The following SKP1 variants were observed in gnomAD, a reference collection of about 807,000 sequenced individuals.
The protein encoded by SKP1 is S-phase kinase-associated protein 1.
In SKP1, 1 loss-of-function variant was observed where a neutral mutation model predicts 21.5. The observed-to-expected ratio is 0.05, with a 90% CI of 0.02 to 0.22. The LOEUF is 0.22. Ranked by LOEUF, SKP1 falls within the 10% of genes least tolerant of loss-of-function variation. The pLI is 1.00. For synonymous variants in SKP1, 59 were observed against 59.3 expected (o/e 0.99, Z 0.03); for missense variants, 70 against 192.0 (o/e 0.36, Z 3.76).
chr5:134,157,838 A>G, intron 5 of SKP1, 70 bp from the exon 6 acceptor site: 1 of 1,612,090 alleles, frequency 6.2e-7, no homozygotes, highest in East Asian at 2.2e-5. Flanking sequence ...AATACTACCT[A>G]CTGATTCATC....
At chr5:134,159,289 T>C (rs918377445) in intron 4 of SKP1, among the ~76,000 whole-genome samples, 1 of 152,208 alleles carries the variant, frequency 6.6e-6, no homozygotes, top group African/African-American at 2.4e-5. Context: ...AGTTTAAAAG[T>C]AGTTGCAGAT....
chr5:134,176,521 G>C (rs374727873), intron 1 of SKP1: 1 of 152,318 alleles, frequency 6.6e-6, no homozygotes, highest in African/African-American at 2.4e-5. Context: ...GACCAAGAGA[G>C]GCCCCCGGCC....
At chr5:134,163,368 G>T (rs866766045) in intron 3 of SKP1, among the ~76,000 whole-genome samples, 2 of 151,790 alleles carry the variant, frequency 1.3e-5, no homozygotes, top group Admixed American at 6.6e-5. Flanking sequence ...ATTACTTTGT[G>T]GGGGGAGCAG....
intron 1 of SKP1, chr5:134,175,278 T>C (rs1761517813): frequency 6.6e-6 from 1 of 152,194 alleles, no homozygotes; most frequent in African/African-American, 2.4e-5. Flanking sequence ...CACTGAAATA[T>C]CCTACTCTCA....
At chr5:134,173,017 A>C (rs1402799200) in intron 2 of SKP1, among the ~76,000 whole-genome samples, 11 of 150,370 alleles carry the variant, frequency 7.3e-5, no homozygotes, top group African/African-American at 2.7e-4. Context: ...CGTCTCAAAA[A>C]AAAAAAAAAA....
At chr5:134,160,886 G>C in intron 4 of SKP1, 101 bp downstream of exon 4, 1 of 732,350 alleles carries the variant, frequency 1.4e-6, no homozygotes, top group Non-Finnish European at 2.2e-6. Flanking sequence ...TTTGAATTTA[G>C]AGAGTATTAA....
In SKP1 at chr5:134,156,475, G is replaced by C. The variant is rs1354712899; in HGVS notation, c.*1258C>G. On this transcript the variant is annotated 3_prime_UTR_variant, in exon 6 of 6. Coordinates refer to ENST00000353411, the MANE Select transcript of SKP1 (RefSeq NM_170679.3). ...TGAGATGAAGGCAAACTACTGTCAA[G>C]GGATGATCTGAGCCTGAACAACTCA... 3 of 152,098 alleles carry C rather than the reference G, an allele frequency of 2.0e-5. No homozygotes were observed. The highest frequency in any genetic ancestry group is 7.2e-5 in the African/African-American group (3 of 41,408). 9.4% of individuals were successfully genotyped at this position (152,098 alleles called of 1,614,324 possible).
intron 5 of SKP1, chr5:134,158,063 A>C: frequency 6.9e-7 from 1 of 1,451,722 alleles, no homozygotes; most frequent in South Asian, 1.2e-5. Context: ...TCATGTCAAC[A>C]AAATCATTCT....
rs1162950271 is a variant in SKP1, at chr5:134,156,412, A to T, written c.*1321T>A. ...GGAATTAAGTGAGACAACATATGGG[A>T]CTTTATTAAATAAGGTGAATTTGGG... On this transcript the variant is annotated 3_prime_UTR_variant, in exon 6 of 6. Transcript: ENST00000353411. The T allele has an allele frequency of 1.3e-5, 2 of 152,246 alleles. No individual in the cohort carries two copies. Among genetic ancestry groups the T allele is most frequent in the Admixed American group, 1.3e-4 (2 of 15,276 alleles). 9.4% of individuals were successfully genotyped at this position (152,246 alleles called of 1,614,324 possible).
intron 2 of SKP1, chr5:134,173,334 C>T (rs1048358677): frequency 7.5e-5 from 13 of 173,366 alleles, no homozygotes; most frequent in Non-Finnish European, 1.6e-4. Context: ...AAATCCGTCT[C>T]AAAAAAATCA....
rs1406418374 is a variant in SKP1, at chr5:134,152,037, T to C, written c.*5696A>G. 1 of 178,710 alleles carries C rather than the reference T, an allele frequency of 5.6e-6. No individual in the cohort carries two copies. The highest frequency in any genetic ancestry group is 1.2e-5 in the Non-Finnish European group (1 of 82,842). 11.1% of individuals were successfully genotyped at this position (178,710 alleles called of 1,614,324 possible). A position where few individuals can be genotyped will look rare whatever the true frequency, so the allele number is the denominator to read the frequency against. The stretch of plus-strand genomic sequence containing the variant: ...AATATTTCTTACACCATACTTCATC[T>C]TGATATGCACAGCCAGTTCTCTTAC... On this transcript the variant is annotated 3_prime_UTR_variant, in exon 6 of 6. Transcript: ENST00000353411.
At chr5:134,173,870 C>G in intron 2 of SKP1, 56 bp downstream of exon 2, 1 of 963,484 alleles carries the variant, frequency 1.0e-6, no homozygotes. Context: ...ATTTGATATT[C>G]ACAAACTATC....
intron 2 of SKP1, among the ~76,000 whole-genome samples, chr5:134,173,058 C>T (rs185468350): frequency 2.0e-5 from 3 of 149,198 alleles, no homozygotes; most frequent in South Asian, 4.2e-4. Flanking sequence ...TGGGGCAGGG[C>T]GCGGTGGCTC....
At chr5:134,170,881 T>C in intron 2 of SKP1, 1 of 395,024 alleles carries the variant, frequency 2.5e-6, no homozygotes, top group South Asian at 1.9e-5. Flanking sequence ...ACACTTTCAA[T>C]GCCAAAGCAA....
At chr5:134,174,546 T>C in intron 1 of SKP1, 3 of 796,444 alleles carry the variant, frequency 3.8e-6, no homozygotes, top group Non-Finnish European at 3.0e-6. Flanking sequence ...TACAAGAGAA[T>C]AAAATGATTT....
chr5:134,152,192 A>G lies in SKP1; in HGVS notation c.*5541T>C, dbSNP rs1761053748. 2.0e-5 allele frequency: 3 copies of G among 151,362 alleles called. No homozygotes were observed. Among genetic ancestry groups the G allele is most frequent in the African/African-American group, 7.4e-5 (3 of 40,650 alleles). The allele number at this position is 151,362 out of a possible 1,614,324, so 9.4% of individuals were successfully genotyped here. A position where few individuals can be genotyped will look rare whatever the true frequency, so the allele number is the denominator to read the frequency against. On this transcript the variant is annotated 3_prime_UTR_variant, in exon 6 of 6. Coordinates refer to ENST00000353411, the MANE Select transcript of SKP1 (RefSeq NM_170679.3). Reference sequence around the variant, plus strand: ...AGTTGAACAGCCAAAAAATAAATAAATAAAAATTAAAATTAAAAAAATTAG... The same window carrying G: ...AGTTGAACAGCCAAAAAATAAATAAGTAAAAATTAAAATTAAAAAAATTAG...
chr5:134,169,388 T>G (rs1580620733), intron 2 of SKP1, among the ~76,000 whole-genome samples: 2 of 152,378 alleles, frequency 1.3e-5, no homozygotes, highest in Non-Finnish European at 1.5e-5. Flanking sequence ...TAAAGCTCTA[T>G]GTAGAACAAG....
At chr5:134,159,077 C>CTT (rs1170342065) in intron 4 of SKP1, among the ~76,000 whole-genome samples, 2 of 152,134 alleles carry the variant, frequency 1.3e-5, no homozygotes, top group Non-Finnish European at 2.9e-5. Flanking sequence ...TTAATTTCAT[C>CTT]TTTTACTAGT....
In SKP1 at chr5:134,165,027, AT is replaced by A. The variant is rs1247160931; in HGVS notation, c.171+2142del. Among the ~76,000 whole-genome samples the A allele has an allele frequency of 1.5e-3, 199 of 131,400 alleles. 1 individual carries two copies. The highest frequency in any genetic ancestry group is 2.9e-3 in the African/African-American group (105 of 35,998). 86.2% of individuals were successfully genotyped at this position (131,400 alleles called of 152,430 possible). On this transcript the variant is annotated intron_variant, in intron 3 of 5. Coordinates refer to ENST00000353411, the MANE Select transcript of SKP1 (RefSeq NM_170679.3). ...AGTAGAATAGTGTTTACCTAGCGTA[AT>A]TTTTTTTTTTGAGGGGGGAGGGTGT...
Sources: allele counts gnomAD v4.1 joint callset (sites outside exome capture counted in the v4.1 genomes callset), GRCh38; gene constraint gnomAD v4.1.1; transcripts MANE v1.5; gene names NCBI Gene and HGNC (gene_info 2026-07-23, HGNC 2026-07-21).